RTN1: variants seen among roughly 807,000 people sequenced by gnomAD.
RTN1 encodes reticulon 1, also known as reticulon-1.
RTN1 carries 25 observed loss-of-function variants against 65.5 expected under a neutral mutation model. The ratio of observed to expected loss-of-function variants is 0.38; its 90% CI spans 0.28 to 0.53. RTN1 has a LOEUF of 0.53. RTN1 is among the 20% of genes least tolerant of loss of function. RTN1 has a pLI of 0.79. For synonymous variants in RTN1, 471 were observed against 447.6 expected (o/e 1.05, Z -0.66); for missense variants, 983 against 1,025.4 (o/e 0.96, Z 0.57).
chr14:59,675,444 T>TGGGGG (rs58079996), intron 3 of RTN1, among the ~76,000 whole-genome samples: 1 of 39,014 alleles, frequency 2.6e-5, no homozygotes, highest in African/African-American at 4.3e-5. Flanking sequence ...CTATAGGACT[T>TGGGGG]GGGGGGGGGG....
chr14:59,704,828 G>C (rs1884256902), intron 3 of RTN1, among the ~76,000 whole-genome samples: 1 of 152,072 alleles, frequency 6.6e-6, no homozygotes, highest in Admixed American at 6.5e-5. Flanking sequence ...TCCCAAAGGT[G>C]GTGCCACAGA....
intron 1 of RTN1, among the ~76,000 whole-genome samples, chr14:59,809,099 T>C (rs1790356476): frequency 6.6e-6 from 1 of 152,208 alleles, no homozygotes; most frequent in Non-Finnish European, 1.5e-5. Context: ...TTTGCTTTGA[T>C]AAGGCTTATC....
chr14:59,759,004 G>A (rs1008817123), intron 1 of RTN1, among the ~76,000 whole-genome samples: 4 of 152,160 alleles, frequency 2.6e-5, no homozygotes, highest in South Asian at 2.1e-4. Context: ...GGTGCCCTTG[G>A]ATGCAGTAGA....
intron 1 of RTN1, among the ~76,000 whole-genome samples, chr14:59,749,495 A>C (rs1226527843): frequency 6.8e-5 from 5 of 74,052 alleles, no homozygotes; most frequent in African/African-American, 2.2e-4. Flanking sequence ...ATATATCTAT[A>C]TATATCTATA....
rs1291624393 is a variant in RTN1 at position 59,794,604 on chromosome 14, G to A, written c.242-48123C>T. 6.6e-6 allele frequency among the ~76,000 whole-genome samples: 1 copy of A among 152,128 alleles called. No individual in the cohort carries two copies. The highest frequency in any genetic ancestry group is 2.4e-5 in the African/African-American group (1 of 41,426). ...AGATCCATGTCTGCTCCATGGTGTT[G>A]GGAGCAAGGTTCTTTCCATCTTGTT... On this transcript the variant is annotated intron_variant, in intron 1 of 8. Coordinates refer to ENST00000267484, the MANE Select transcript of RTN1 (RefSeq NM_021136.3). The surrounding 1 kb of genome is among the most constrained non-coding windows in gnomAD (Gnocchi z 5.1).
intron 2 of RTN1, among the ~76,000 whole-genome samples, chr14:59,729,087 C>A (rs1884844040): frequency 6.6e-6 from 1 of 152,058 alleles, no homozygotes; most frequent in South Asian, 2.1e-4. Flanking sequence ...AGAAAGTAAC[C>A]TATATTTAAC....
At chr14:59,787,129 A>G (rs538583400) in intron 1 of RTN1, among the ~76,000 whole-genome samples, 1 of 152,256 alleles carries the variant, frequency 6.6e-6, no homozygotes, top group South Asian at 2.1e-4. Flanking sequence ...TGAACCTGAA[A>G]CACATCTCCC....
At chr14:59,608,342 G>A (rs911868035) in intron 3 of RTN1, among the ~76,000 whole-genome samples, 10 of 152,214 alleles carry the variant, frequency 6.6e-5, no homozygotes, top group Non-Finnish European at 1.5e-4. Flanking sequence ...TTCACCTGCA[G>A]TGTACCTGCA....
chr14:59,607,529 G>A (rs561025508), intron 3 of RTN1, 37 bp from the exon 4 acceptor site: 24 of 1,542,906 alleles, frequency 1.6e-5, no homozygotes, highest in Admixed American at 1.3e-4. Context: ...CTGAGCTCCC[G>A]CAGTGCCGCC....
chr14:59,762,199 G>A (rs935603074), intron 1 of RTN1, among the ~76,000 whole-genome samples: 1 of 152,118 alleles, frequency 6.6e-6, no homozygotes, highest in African/African-American at 2.4e-5. Context: ...TCAGAGTCCT[G>A]GAATTGGACA....
chr14:59,723,572 C>T (rs1215270058), intron 3 of RTN1, among the ~76,000 whole-genome samples: 1 of 152,070 alleles, frequency 6.6e-6, no homozygotes, highest in Non-Finnish European at 1.5e-5. Flanking sequence ...AGCAGAGATG[C>T]TCCACTGCAC....
intron 1 of RTN1, among the ~76,000 whole-genome samples, chr14:59,778,698 G>A (rs1016757408): frequency 1.3e-5 from 2 of 152,166 alleles, no homozygotes; most frequent in African/African-American, 4.8e-5. Context: ...CAGTTGCACT[G>A]AAAGGCAATG....
chr14:59,699,729 G>A (rs573498502), intron 3 of RTN1, among the ~76,000 whole-genome samples: 58 of 152,252 alleles, frequency 3.8e-4, no homozygotes, highest in African/African-American at 1.3e-3. Flanking sequence ...TCAAGGAGGC[G>A]AAACAGAATT....
At chr14:59,756,777 A>T (rs1211473901) in intron 1 of RTN1, among the ~76,000 whole-genome samples, 1 of 110,576 alleles carries the variant, frequency 9.0e-6, no homozygotes, top group African/African-American at 3.3e-5. Context: ...TTTGCTCCCC[A>T]CCCCCCACAC....
rs1185747105 is a variant in RTN1, at chr14:59,749,992, C to T, written c.242-3511G>A. Among the ~76,000 whole-genome samples, 5 of 76,408 alleles carry T rather than the reference C, an allele frequency of 6.5e-5. No individual in the cohort carries two copies. The East Asian group carries it at 1.4e-3, about 21-fold the overall frequency. The allele number at this position is 76,408 out of a possible 152,430, so 50.1% of individuals were successfully genotyped here. On this transcript the variant is annotated intron_variant, in intron 1 of 8. Coordinates refer to ENST00000267484, the MANE Select transcript of RTN1 (RefSeq NM_021136.3). ...ATATACATATATTATATATTATATA[C>T]ATATATATTATATACATATATATTA...
At chr14:59,760,173 C>A (rs1027452617) in intron 1 of RTN1, among the ~76,000 whole-genome samples, 4 of 152,122 alleles carry the variant, frequency 2.6e-5, no homozygotes, top group African/African-American at 9.7e-5. Context: ...AGAGTGAAGA[C>A]AATCTCCATT....
chr14:59,745,461 G>GAAA (rs936590399), intron 2 of RTN1, among the ~76,000 whole-genome samples: 1 of 148,102 alleles, frequency 6.8e-6, no homozygotes, highest in Non-Finnish European at 1.5e-5. Flanking sequence ...CTCAAATAAA[G>GAAA]AAAAAAAAAA....
At chr14:59,736,007 A>G (rs888273067) in intron 2 of RTN1, among the ~76,000 whole-genome samples, 16 of 152,362 alleles carry the variant, frequency 1.1e-4, no homozygotes, top group African/African-American at 3.4e-4. Flanking sequence ...GCAAAGAGAC[A>G]ACATACCAAA....
rs554243050 is a variant in RTN1 at position 59,660,784 on chromosome 14, GAAAGACCTA to G, written c.1766-53301_1766-53293del. ...ACTAAATTCCCAAAAAAGAAACCAG[GAAAGACCTA>G]AAATTTACACCCTAACATCAAAATG... On this transcript the variant is annotated intron_variant, in intron 3 of 8. Coordinates refer to ENST00000267484, the MANE Select transcript of RTN1 (RefSeq NM_021136.3). Among the ~76,000 whole-genome samples, 7 of 152,084 alleles carry G rather than the reference GAAAGACCTA, an allele frequency of 4.6e-5. No individual in the cohort carries two copies. In the South Asian group the frequency reaches 1.5e-3, roughly 32 times the overall value.
Sources: gnomAD v4.1 joint callset for allele counts (sites outside exome capture counted in the v4.1 genomes callset) on GRCh38, gnomAD v4.1.1 for gene constraint, Gnocchi (gnomAD v3.1) non-coding constraint, MANE v1.5 for transcripts, NCBI Gene and HGNC (gene_info 2026-07-23, HGNC 2026-07-21) for gene names.